The following CNOT4 variants were observed in gnomAD, a reference collection of about 807,000 sequenced individuals.
The protein encoded by CNOT4 is CCR4-associated factor 4.
CNOT4 carries 8 observed loss-of-function variants against 73.8 expected under a neutral mutation model. The observed-to-expected ratio is 0.11, with a 90% CI of 0.06 to 0.20. The LOEUF (loss-of-function observed/expected upper bound fraction) is 0.20. Among genes scored for constraint, CNOT4 ranks in the 10% least tolerant of loss-of-function variants. The probability of loss-of-function intolerance (pLI) is 1.00; values close to 1 mark genes in which losing one functional copy is unlikely to be tolerated. For synonymous variants in CNOT4, 293 were observed against 321.1 expected (o/e 0.91, Z 0.94); for missense variants, 564 against 883.4 (o/e 0.64, Z 4.58).
At chr7:135,464,033 A>AAAAC (rs1801063644) in intron 1 of CNOT4, among the ~76,000 whole-genome samples, 1 of 151,502 alleles carries the variant, frequency 6.6e-6, no homozygotes, top group Non-Finnish European at 1.5e-5. Context: ...TCAAAAAAAA[A>AAAAC]AAAAAAACAG....
chr7:135,404,459 T>C (rs1797170200), intron 7 of CNOT4, among the ~76,000 whole-genome samples: 1 of 152,186 alleles, frequency 6.6e-6, no homozygotes, highest in Non-Finnish European at 1.5e-5. Flanking sequence ...CAAAAGAATG[T>C]GCACAGATGC....
At chr7:135,467,730 A>T (rs1801310095) in intron 1 of CNOT4, among the ~76,000 whole-genome samples, 1 of 152,066 alleles carries the variant, frequency 6.6e-6, no homozygotes. Context: ...TTTTAATTAA[A>T]AAAAGATAAA....
chr7:135,496,912 T>A (rs1803623325), intron 1 of CNOT4, among the ~76,000 whole-genome samples: 1 of 151,894 alleles, frequency 6.6e-6, no homozygotes, highest in Non-Finnish European at 1.5e-5. Context: ...GCTCAAGCGA[T>A]CCTCCCCACT....
chr7:135,392,503 C>A (rs1041147197), intron 10 of CNOT4, among the ~76,000 whole-genome samples: 3 of 151,838 alleles, frequency 2.0e-5, no homozygotes, highest in African/African-American at 2.4e-5. Context: ...AAAGTAAAAT[C>A]AAAGAAAATT....
intron 1 of CNOT4, among the ~76,000 whole-genome samples, chr7:135,482,276 AG>A: frequency 6.6e-6 from 1 of 152,116 alleles, no homozygotes; most frequent in East Asian, 1.9e-4. Context: ...AAGAAATCCT[AG>A]GAGTGTGGTG....
At chr7:135,499,538 A>ATTTTCGAACAGTTTGGAAAAGAT (rs1803823980) in intron 1 of CNOT4, among the ~76,000 whole-genome samples, 1 of 152,100 alleles carries the variant, frequency 6.6e-6, no homozygotes, top group Non-Finnish European at 1.5e-5. Flanking sequence ...TTAATCTCAA[A>ATTTTCGAACAGTTTGGAAAAGAT]TTTTCGAACA....
intron 8 of CNOT4, among the ~76,000 whole-genome samples, chr7:135,396,460 A>G (rs1796699421): frequency 6.6e-6 from 1 of 152,126 alleles, no homozygotes. Context: ...CTTTACCAAG[A>G]AAATAATATT....
chr7:135,377,907 A>AT (rs1795608406), intron 10 of CNOT4, among the ~76,000 whole-genome samples: 1 of 152,204 alleles, frequency 6.6e-6, no homozygotes, highest in African/African-American at 2.4e-5. Context: ...ACAAATCAGA[A>AT]ACAGCAATAT....
chr7:135,439,402 T>TA (rs1350311270), intron 1 of CNOT4, among the ~76,000 whole-genome samples: 3 of 152,208 alleles, frequency 2.0e-5, no homozygotes, highest in African/African-American at 7.2e-5. Flanking sequence ...TAAATTATAC[T>TA]ATAAAGCTAC....
intron 10 of CNOT4, among the ~76,000 whole-genome samples, chr7:135,391,205 T>C (rs1796384703): frequency 6.6e-6 from 1 of 152,144 alleles, no homozygotes; most frequent in Admixed American, 6.5e-5. Context: ...CTAAATCTTC[T>C]GGCTACAATT....
At chr7:135,436,404 C>A (rs953277143) in intron 2 of CNOT4, among the ~76,000 whole-genome samples, 2 of 151,594 alleles carry the variant, frequency 1.3e-5, no homozygotes, top group African/African-American at 4.8e-5. Flanking sequence ...ATCAAATTTA[C>A]AATCCTTAGA....
In CNOT4 at chr7:135,476,232, A is replaced by AT. The variant is rs1420207701; in HGVS notation, c.-93+33656_-93+33657insA. On this transcript the variant is annotated intron_variant, in intron 1 of 11. Coordinates refer to ENST00000541284, the MANE Select transcript of CNOT4 (RefSeq NM_001190850.2). Reference sequence around the variant, plus strand: ...TATCTTCAACGAAACTGGGAGAGAGACAGATATATAACCATGAGAAAGGAA... The same window carrying AT: ...TATCTTCAACGAAACTGGGAGAGAGATCAGATATATAACCATGAGAAAGGAA... Among the ~76,000 whole-genome samples the AT allele has an allele frequency of 7.9e-5, 12 of 152,296 alleles. No individual in the cohort carries two copies. In the South Asian group the frequency reaches 2.5e-3, roughly 32 times the overall value.
chr7:135,422,429 G>A (rs1798241885), intron 2 of CNOT4, 76 bp from the exon 3 acceptor site: 6 of 735,836 alleles, frequency 8.2e-6, no homozygotes, highest in Non-Finnish European at 1.2e-5. Context: ...TCTGATTCTT[G>A]GTGGTGGGTA....
At chr7:135,509,859 T>TC (rs1441775863) in intron 1 of CNOT4, 30 bp downstream of exon 1, 10 of 393,564 alleles carry the variant, frequency 2.5e-5, no homozygotes, top group Non-Finnish European at 4.0e-5. Flanking sequence ...GCCCCGGGTT[T>TC]CCCCTAAGCC....
At chr7:135,434,425 T>G (rs939700172) in intron 2 of CNOT4, among the ~76,000 whole-genome samples, 4 of 152,222 alleles carry the variant, frequency 2.6e-5, no homozygotes, top group African/African-American at 9.6e-5. Context: ...CTAGGAGATG[T>G]GATTAAGTCA....
intron 10 of CNOT4, among the ~76,000 whole-genome samples, chr7:135,373,600 C>T (rs1291402243): frequency 1.3e-5 from 2 of 152,126 alleles, no homozygotes; most frequent in Admixed American, 1.3e-4. Context: ...TTTTTTGAAA[C>T]CAAGTCTTGC....
intron 1 of CNOT4, among the ~76,000 whole-genome samples, chr7:135,509,359 C>T (rs1804587150): frequency 6.6e-6 from 1 of 152,046 alleles, no homozygotes; most frequent in African/African-American, 2.4e-5. Context: ...GGGGCAAAGG[C>T]TAACTCCAGA....
chr7:135,504,432 A>T (rs1267025937), intron 1 of CNOT4, among the ~76,000 whole-genome samples: 1 of 145,082 alleles, frequency 6.9e-6, no homozygotes, highest in Non-Finnish European at 1.5e-5. Context: ...AGTAGCTGGA[A>T]TTACAGGCAC....
Position 135,489,396 on chromosome 7 carries a change from T to C in CNOT4, c.-93+20493A>G, listed in dbSNP as rs957141767. ...GATTCAGACTAGTCACATTTCTTTTTTTTTTTTTTTTTTTTTTTTGAGACA... is the reference window on the plus strand; with the variant it reads ...GATTCAGACTAGTCACATTTCTTTTCTTTTTTTTTTTTTTTTTTTGAGACA... On this transcript the variant is annotated intron_variant, in intron 1 of 11. Transcript: ENST00000541284. 3.5e-5 allele frequency among the ~76,000 whole-genome samples: 5 copies of C among 141,038 alleles called. No homozygotes were observed. The East Asian group carries it at 9.1e-4, about 26-fold the overall frequency. The allele number at this position is 141,038 out of a possible 152,430, so 92.5% of individuals were successfully genotyped here.
Sources: gnomAD v4.1 joint callset for allele counts (sites outside exome capture counted in the v4.1 genomes callset) on GRCh38, gnomAD v4.1.1 for gene constraint, MANE v1.5 for transcripts, NCBI Gene and HGNC (gene_info 2026-07-23, HGNC 2026-07-21) for gene names.